Variants in GRM3 observed in about 807,000 individuals in gnomAD.
The protein encoded by GRM3 is glutamate metabotropic receptor 3.
In GRM3, 26 loss-of-function variants were observed where a neutral mutation model predicts 70.5. The ratio of observed to expected loss-of-function variants is 0.37; its 90% CI spans 0.27 to 0.51. The LOEUF (loss-of-function observed/expected upper bound fraction) is 0.51, where lower values mean the gene tolerates loss of function less well. Among genes scored for constraint, GRM3 ranks in the 20% least tolerant of loss-of-function variants. The pLI, the probability that GRM3 is intolerant of heterozygous loss-of-function variation, is 0.93. For synonymous variants in GRM3, 443 were observed against 434.9 expected, an observed-to-expected ratio of 1.02 and a Z score of -0.23; for missense variants, 859 against 1,123.8, an observed-to-expected ratio of 0.76 and a Z score of 3.37.
intron 1 of GRM3, among the ~76,000 whole-genome samples, chr7:86,658,329 A>G (rs1793798250): frequency 6.6e-6 from 1 of 152,146 alleles, no homozygotes; most frequent in African/African-American, 2.4e-5. Context: ...AGTGATCTGC[A>G]TGTGTGTCGA....
At chr7:86,808,650 G>A (rs991215616) in intron 3 of GRM3, among the ~76,000 whole-genome samples, 17 of 151,880 alleles carry the variant, frequency 1.1e-4, no homozygotes, top group African/African-American at 3.6e-4. Context: ...GGGTGGAGGG[G>A]GTAGAAGTTT....
intron 1 of GRM3, among the ~76,000 whole-genome samples, chr7:86,734,692 C>T (rs184671234): frequency 3.0e-4 from 46 of 152,224 alleles, no homozygotes; most frequent in Middle Eastern, 3.4e-3. Context: ...TACTTCTATC[C>T]CCTGCTAATT....
chr7:86,797,766 C>A (rs1797584163), intron 3 of GRM3, among the ~76,000 whole-genome samples: 1 of 152,140 alleles, frequency 6.6e-6, no homozygotes, highest in African/African-American at 2.4e-5. Context: ...GAGACCTTCA[C>A]AGAATCCCCT....
intron 1 of GRM3, among the ~76,000 whole-genome samples, chr7:86,698,373 G>C (rs1275594153): frequency 6.6e-6 from 1 of 151,418 alleles, no homozygotes; most frequent in Non-Finnish European, 1.5e-5. Context: ...TCTTTGTCTG[G>C]GGCTCAGTCC....
chr7:86,797,115 T>C (rs1318027133), intron 3 of GRM3, among the ~76,000 whole-genome samples: 1 of 152,154 alleles, frequency 6.6e-6, no homozygotes, highest in Non-Finnish European at 1.5e-5. Flanking sequence ...GAAAATGAAT[T>C]AATACAATAA....
At chr7:86,840,314 G>A (rs1438298292) in intron 4 of GRM3, among the ~76,000 whole-genome samples, 1 of 152,124 alleles carries the variant, frequency 6.6e-6, no homozygotes, top group Middle Eastern at 3.2e-3. Flanking sequence ...GGCTACCATG[G>A]ATCAATCTGT....
At chr7:86,723,477 A>T (rs1419794051) in intron 1 of GRM3, among the ~76,000 whole-genome samples, 1 of 152,182 alleles carries the variant, frequency 6.6e-6, no homozygotes, top group Non-Finnish European at 1.5e-5. Context: ...CTTAAAAAGA[A>T]TTAAATTGAT....
intron 4 of GRM3, among the ~76,000 whole-genome samples, chr7:86,847,466 G>A (rs1050703118): frequency 1.3e-5 from 2 of 152,108 alleles, no homozygotes; most frequent in Non-Finnish European, 2.9e-5. Flanking sequence ...TGTCATGGTG[G>A]CAGTTGAATA....
intron 1 of GRM3, among the ~76,000 whole-genome samples, chr7:86,753,872 T>C (rs1248147289): frequency 2.0e-5 from 3 of 152,156 alleles, no homozygotes; most frequent in African/African-American, 7.2e-5. Context: ...ATTTCTGTGA[T>C]GTAAGCGCTC....
chr7:86,791,155 G>T (rs1797406028), intron 3 of GRM3, among the ~76,000 whole-genome samples: 1 of 152,096 alleles, frequency 6.6e-6, no homozygotes, highest in Admixed American at 6.6e-5. Context: ...TAGCTTGTGG[G>T]CTCTTTCAAG....
chr7:86,644,924 G>A (rs1198902068), intron 1 of GRM3, 52 bp downstream of exon 1: 4 of 1,084,394 alleles, frequency 3.7e-6, no homozygotes, highest in Admixed American at 2.4e-5. Context: ...CAGCCAGGGC[G>A]CGGAAGCTCG....
chr7:86,813,955 A>C (rs1456609063), intron 3 of GRM3, among the ~76,000 whole-genome samples: 1 of 151,698 alleles, frequency 6.6e-6, no homozygotes, highest in Non-Finnish European at 1.5e-5. Context: ...TTTCCCACTA[A>C]ATCATTTGGC....
chr7:86,840,595 AAGAAACTTCTTC>A (rs1189518852), intron 4 of GRM3, among the ~76,000 whole-genome samples: 1 of 152,090 alleles, frequency 6.6e-6, no homozygotes, highest in Admixed American at 6.6e-5. Flanking sequence ...TCTCTTTTGA[AAGAAACTTCTTC>A]ATTCCATTAT....
At chr7:86,742,431 A>G (rs1796010583) in intron 1 of GRM3, among the ~76,000 whole-genome samples, 1 of 152,170 alleles carries the variant, frequency 6.6e-6, no homozygotes, top group Non-Finnish European at 1.5e-5. Flanking sequence ...AAAATTACAT[A>G]TATTTAAGAT....
intron 2 of GRM3, among the ~76,000 whole-genome samples, chr7:86,774,222 TAGCA>T (rs1236194406): frequency 6.6e-6 from 1 of 152,132 alleles, no homozygotes; most frequent in Non-Finnish European, 1.5e-5. Context: ...GAGCAGCGGT[TAGCA>T]GTTTATAATA....
intron 1 of GRM3, among the ~76,000 whole-genome samples, chr7:86,761,076 T>G (rs1796468262): frequency 6.6e-6 from 1 of 152,174 alleles, no homozygotes; most frequent in Admixed American, 6.6e-5. Context: ...GATGCATACT[T>G]TTCTATCACT....
intron 3 of GRM3, among the ~76,000 whole-genome samples, chr7:86,801,679 C>A (rs770293591): frequency 6.6e-6 from 1 of 152,114 alleles, no homozygotes; most frequent in Non-Finnish European, 1.5e-5. Context: ...GTAACTTTTA[C>A]AATACACAGC....
chr7:86,654,318 C>A (rs369661791), intron 1 of GRM3, among the ~76,000 whole-genome samples: 2 of 152,252 alleles, frequency 1.3e-5, no homozygotes, highest in Admixed American at 6.5e-5. Flanking sequence ...CAGAGCACAC[C>A]CCCACTCTCC....
At chr7:86,760,977 G>A (rs1796465623) in intron 1 of GRM3, among the ~76,000 whole-genome samples, 1 of 152,020 alleles carries the variant, frequency 6.6e-6, no homozygotes, top group Non-Finnish European at 1.5e-5. Context: ...TTTGAGTATA[G>A]CACTTAACAA....
Sources: allele counts gnomAD v4.1 joint callset (sites outside exome capture counted in the v4.1 genomes callset), GRCh38; gene constraint gnomAD v4.1.1; transcripts MANE v1.5; gene names NCBI Gene and HGNC (gene_info 2026-07-23, HGNC 2026-07-21).